UBE2E2: variants seen among roughly 807,000 people sequenced by gnomAD.
UBE2E2 encodes the protein ubiquitin-conjugating enzyme E2 E2.
In UBE2E2, 6 loss-of-function variants were observed where a neutral mutation model predicts 24.7. The ratio of observed to expected loss-of-function variants is 0.24; its 90% CI spans 0.13 to 0.48. The LOEUF (loss-of-function observed/expected upper bound fraction) is 0.48, where lower values mean the gene tolerates loss of function less well. Among genes scored for constraint, UBE2E2 ranks in the 20% least tolerant of loss-of-function variants. The pLI is 0.99. For missense variants in UBE2E2, 169 were observed against 245.0 expected (o/e 0.69, Z 2.07); for synonymous variants, 104 against 83.6 (o/e 1.24, Z -1.33).
intron 3 of UBE2E2, among the ~76,000 whole-genome samples, chr3:23,330,272 C>G (rs1272322343): frequency 6.6e-6 from 1 of 152,162 alleles, no homozygotes; most frequent in Non-Finnish European, 1.5e-5. Context: ...GTAATACTTT[C>G]AATTACATGA....
chr3:23,288,949 G>C (rs1459663664), intron 3 of UBE2E2, among the ~76,000 whole-genome samples: 1 of 152,176 alleles, frequency 6.6e-6, no homozygotes, highest in Non-Finnish European at 1.5e-5. Context: ...GGGAGGGGTG[G>C]CATTGGCAGT....
chr3:23,569,747 T>C (rs1211927212), intron 5 of UBE2E2, among the ~76,000 whole-genome samples: 1 of 152,208 alleles, frequency 6.6e-6, no homozygotes, highest in African/African-American at 2.4e-5. Context: ...TTAGATGAGT[T>C]TATTCTAAAA....
intron 3 of UBE2E2, among the ~76,000 whole-genome samples, chr3:23,331,484 T>G (rs1695055779): frequency 6.7e-6 from 1 of 148,750 alleles, no homozygotes; most frequent in Non-Finnish European, 1.5e-5. Flanking sequence ...AGCAGAGAGA[T>G]AGCTGTCAAT....
chr3:23,204,001 G>C (rs770120969), intron 1 of UBE2E2, among the ~76,000 whole-genome samples: 18 of 152,034 alleles, frequency 1.2e-4, no homozygotes, highest in Admixed American at 8.5e-4. Context: ...CTGGTGAGGG[G>C]TGTGTGTTGT....
chr3:23,461,777 T>G (rs1314709550), intron 3 of UBE2E2, among the ~76,000 whole-genome samples: 1 of 152,218 alleles, frequency 6.6e-6, no homozygotes, highest in Non-Finnish European at 1.5e-5. Context: ...TATTGCATAC[T>G]TGTTACATTT....
chr3:23,495,722 G>A (rs1699584748), intron 3 of UBE2E2, among the ~76,000 whole-genome samples: 1 of 152,140 alleles, frequency 6.6e-6, no homozygotes, highest in Non-Finnish European at 1.5e-5. Context: ...GGCAACAAGA[G>A]GCTGTTGTTG....
At chr3:23,368,052 G>A (rs1431885639) in intron 3 of UBE2E2, among the ~76,000 whole-genome samples, 3 of 151,926 alleles carry the variant, frequency 2.0e-5, no homozygotes, top group African/African-American at 4.8e-5. Flanking sequence ...TTTTGTAAGT[G>A]GTCATTTAAT....
chr3:23,347,471 C>T (rs779590712), intron 3 of UBE2E2, among the ~76,000 whole-genome samples: 2 of 152,022 alleles, frequency 1.3e-5, no homozygotes, highest in Non-Finnish European at 2.9e-5. Flanking sequence ...CCAAACACCA[C>T]ATGTTCTCAC....
intron 3 of UBE2E2, among the ~76,000 whole-genome samples, chr3:23,383,473 CTT>C (rs34970044): frequency 1.5e-4 from 23 of 149,260 alleles, no homozygotes; most frequent in South Asian, 6.3e-4. Context: ...TTTTATCCCC[CTT>C]TTTTTTTTTC....
At chr3:23,367,452 A>G (rs560513371) in intron 3 of UBE2E2, among the ~76,000 whole-genome samples, 7 of 152,238 alleles carry the variant, frequency 4.6e-5, no homozygotes, top group Admixed American at 3.9e-4. Flanking sequence ...GGTTTAATCA[A>G]TCATGCTTAT....
chr3:23,372,345 A>G (rs1696418659), intron 3 of UBE2E2, among the ~76,000 whole-genome samples: 1 of 152,054 alleles, frequency 6.6e-6, no homozygotes, highest in Non-Finnish European at 1.5e-5. Context: ...ATATTCTTTA[A>G]AGTGATACCA....
intron 3 of UBE2E2, among the ~76,000 whole-genome samples, chr3:23,490,284 T>C (rs151315337): frequency 6.6e-6 from 1 of 152,208 alleles, no homozygotes; most frequent in Non-Finnish European, 1.5e-5. Flanking sequence ...TCTGAAAAAC[T>C]TCTGGTCCCA....
At chr3:23,245,032 T>C (rs1280913572) in intron 3 of UBE2E2, among the ~76,000 whole-genome samples, 1 of 152,152 alleles carries the variant, frequency 6.6e-6, no homozygotes, top group African/African-American at 2.4e-5. Context: ...CCTTATTTTC[T>C]TCTTATGTAA....
chr3:23,428,206 C>T (rs775576844), intron 3 of UBE2E2, among the ~76,000 whole-genome samples: 5 of 152,104 alleles, frequency 3.3e-5, no homozygotes, highest in African/African-American at 7.2e-5. Context: ...AAATGCTGTG[C>T]GACCACAATG....
At chr3:23,246,135 C>T (rs1279405244) in intron 3 of UBE2E2, among the ~76,000 whole-genome samples, 1 of 152,026 alleles carries the variant, frequency 6.6e-6, no homozygotes, top group African/African-American at 2.4e-5. Flanking sequence ...GCCTCCACAT[C>T]CTGGGCTCAA....
At chr3:23,505,496 C>G (rs1305025313) in intron 4 of UBE2E2, among the ~76,000 whole-genome samples, 3 of 152,126 alleles carry the variant, frequency 2.0e-5, no homozygotes, top group African/African-American at 7.2e-5. Context: ...CTGGGAAACA[C>G]TGTTTTCTCT....
At chr3:23,349,637 C>A (rs1373059245) in intron 3 of UBE2E2, among the ~76,000 whole-genome samples, 1 of 152,214 alleles carries the variant, frequency 6.6e-6, no homozygotes, top group Non-Finnish European at 1.5e-5. Context: ...ATTGCTAGCA[C>A]AGCAGTCTGA....
chr3:23,555,056 C>CA (rs1695742458), intron 5 of UBE2E2, among the ~76,000 whole-genome samples: 1 of 151,976 alleles, frequency 6.6e-6, no homozygotes, highest in Admixed American at 6.6e-5. Context: ...GCTGGTACTA[C>CA]AGGTGCCTGC....
intron 3 of UBE2E2, among the ~76,000 whole-genome samples, chr3:23,459,253 T>G (rs567997863): frequency 1.3e-5 from 2 of 152,374 alleles, no homozygotes; most frequent in South Asian, 4.1e-4. Context: ...GGAATTTTTT[T>G]ATGGTTCAGA....
Sources: gnomAD v4.1 joint callset for allele counts (sites outside exome capture counted in the v4.1 genomes callset) on GRCh38, gnomAD v4.1.1 for gene constraint, MANE v1.5 for transcripts, NCBI Gene and HGNC (gene_info 2026-07-23, HGNC 2026-07-21) for gene names.